The following RBFOX1 variants were observed in gnomAD, a reference collection of about 807,000 sequenced individuals.
The protein encoded by RBFOX1 is RNA binding fox-1 homolog 1, also known as RNA binding protein fox-1 homolog 1.
In RBFOX1, 8 loss-of-function variants were observed where a neutral mutation model predicts 57.7. The ratio of observed to expected loss-of-function variants is 0.14; its 90% CI spans 0.08 to 0.25. The LOEUF is 0.25. Among genes scored for constraint, RBFOX1 ranks in the 10% least tolerant of loss-of-function variants. The pLI is 1.00. For synonymous variants in RBFOX1, 326 were observed against 222.4 expected (o/e 1.47, Z -4.15); for missense variants, 611 against 548.5 (o/e 1.11, Z -1.14).
intron 1 of RBFOX1, among the ~76,000 whole-genome samples, chr16:5,325,917 G>T (rs898672032): frequency 6.6e-6 from 1 of 152,132 alleles, no homozygotes; most frequent in African/African-American, 2.4e-5. Flanking sequence ...TTAAACATAA[G>T]TTTTCATTTC....
chr16:6,557,337 T>C (rs548585558), intron 2 of RBFOX1, among the ~76,000 whole-genome samples: 3 of 152,068 alleles, frequency 2.0e-5, no homozygotes, highest in African/African-American at 7.2e-5. Flanking sequence ...GAAGAACTTA[T>C]GAATGCTTTG....
intron 2 of RBFOX1, among the ~76,000 whole-genome samples, chr16:5,547,067 C>A (rs983088152): frequency 6.6e-6 from 1 of 152,134 alleles, no homozygotes; most frequent in African/African-American, 2.4e-5. Context: ...TATACATCTT[C>A]TAGGATGACT....
rs557158998 is a variant in RBFOX1, at chr16:6,201,083, C to T, written c.-126-115912C>T. Among the ~76,000 whole-genome samples the T allele has an allele frequency of 1.6e-4, 24 of 152,054 alleles. No homozygotes were observed. The East Asian group carries it at 2.5e-3, about 16-fold the overall frequency. On this transcript the variant is annotated intron_variant, in intron 1 of 15. Coordinates refer to ENST00000550418, the MANE Select transcript of RBFOX1 (RefSeq NM_018723.4). ...TTGTCTTTCTGTGTCTGGCTTATTT[C>T]GCTTAACATAATGTCCCTCCAGTTC...
At chr16:6,876,596 A>T (rs535684772) in intron 3 of RBFOX1, among the ~76,000 whole-genome samples, 62 of 152,250 alleles carry the variant, frequency 4.1e-4, no homozygotes, top group South Asian at 3.3e-3. Flanking sequence ...GGACTTTATG[A>T]TGCACCATAC....
At chr16:6,148,450 C>G (rs944662101) in intron 1 of RBFOX1, among the ~76,000 whole-genome samples, 1 of 152,212 alleles carries the variant, frequency 6.6e-6, no homozygotes, top group Admixed American at 6.5e-5. Context: ...CTGCTCCCAC[C>G]TCCTGGAACA....
intron 1 of RBFOX1, among the ~76,000 whole-genome samples, chr16:6,193,237 G>A (rs1202889406): frequency 1.3e-5 from 2 of 151,062 alleles, no homozygotes; most frequent in Admixed American, 1.3e-4. Flanking sequence ...CCCCTTGCTG[G>A]CAACAGCTGA....
chr16:5,739,650 C>T (rs1300393585), intron 3 of RBFOX1, among the ~76,000 whole-genome samples: 2 of 152,164 alleles, frequency 1.3e-5, no homozygotes, highest in Admixed American at 6.5e-5. Flanking sequence ...AAAACTTACG[C>T]TTTGGCATTT....
chr16:6,935,410 A>G (rs557416457), intron 3 of RBFOX1, among the ~76,000 whole-genome samples: 12 of 152,302 alleles, frequency 7.9e-5, no homozygotes, highest in African/African-American at 2.9e-4. Flanking sequence ...CCAACAGTAG[A>G]TCATAAAAAG....
At chr16:6,039,233 A>G (rs2095409403) in intron 1 of RBFOX1, among the ~76,000 whole-genome samples, 1 of 151,552 alleles carries the variant, frequency 6.6e-6, no homozygotes, top group African/African-American at 2.4e-5. Flanking sequence ...GAGCAGGACA[A>G]GAGGTGTCAA....
intron 4 of RBFOX1, among the ~76,000 whole-genome samples, chr16:5,964,742 G>C (rs1003779857): frequency 6.6e-6 from 1 of 151,160 alleles, no homozygotes; most frequent in South Asian, 2.1e-4. Context: ...TGACTCTTAG[G>C]TTATGTGTGT....
chr16:7,395,379 G>A lies in RBFOX1; in HGVS notation c.28-122768G>A, dbSNP rs544180936. ...TTTCTTACTACTAATTCCCCTTTTA[G>A]TGGAGATAAGCCGCTTTGTTCAGCT... is the stretch of plus-strand genomic sequence containing the variant. On this transcript the variant is annotated intron_variant, in intron 4 of 15. Transcript: ENST00000550418. Among the ~76,000 whole-genome samples the A allele has an allele frequency of 4.6e-5, 7 of 152,332 alleles. No homozygotes were observed. In the South Asian group the frequency reaches 1.5e-3, roughly 32 times the overall value.
intron 3 of RBFOX1, among the ~76,000 whole-genome samples, chr16:6,913,583 C>A (rs891063832): frequency 6.6e-6 from 1 of 152,070 alleles, no homozygotes; most frequent in African/African-American, 2.4e-5. Flanking sequence ...AGTTATAAGT[C>A]GGTAGCATCC....
intron 3 of RBFOX1, among the ~76,000 whole-genome samples, chr16:6,927,405 G>A (rs1278683065): frequency 1.0e-4 from 7 of 67,250 alleles, no homozygotes; most frequent in East Asian, 3.9e-4. Context: ...AGAGTGAGAC[G>A]CTTTCTCACA....
chr16:5,923,741 A>G (rs1420489009), intron 4 of RBFOX1, among the ~76,000 whole-genome samples: 3 of 151,860 alleles, frequency 2.0e-5, no homozygotes, highest in Admixed American at 6.6e-5. Context: ...GGGTTTCACC[A>G]TGTTGGCCAG....
At chr16:7,297,892 C>A (rs943595958) in intron 4 of RBFOX1, among the ~76,000 whole-genome samples, 2 of 151,772 alleles carry the variant, frequency 1.3e-5, no homozygotes, top group East Asian at 1.9e-4. Context: ...TGTTTCCGGG[C>A]CCTTTTGTAT....
chr16:6,837,258 C>G (rs1228074282), intron 3 of RBFOX1, among the ~76,000 whole-genome samples: 2 of 152,222 alleles, frequency 1.3e-5, no homozygotes, highest in Non-Finnish European at 2.9e-5. Flanking sequence ...GCTCTCTCAT[C>G]TGAGCGTGCT....
intron 4 of RBFOX1, among the ~76,000 whole-genome samples, chr16:7,376,964 C>T (rs528365219): frequency 5.9e-5 from 9 of 152,168 alleles, no homozygotes; most frequent in Admixed American, 3.9e-4. Context: ...ACATAGTATC[C>T]TTGTATGTCC....
chr16:7,541,234 C>T (rs1229471865), intron 5 of RBFOX1, among the ~76,000 whole-genome samples: 1 of 152,184 alleles, frequency 6.6e-6, no homozygotes, highest in Non-Finnish European at 1.5e-5. Flanking sequence ...AGCCATTCAG[C>T]AAAATTGCAC....
At chr16:7,038,679 T>C (rs2045253719) in intron 3 of RBFOX1, among the ~76,000 whole-genome samples, 1 of 152,140 alleles carries the variant, frequency 6.6e-6, no homozygotes, top group South Asian at 2.1e-4. Flanking sequence ...CGAGACTGCA[T>C]TCTTGCAGAA....
Sources: allele counts gnomAD v4.1 joint callset (sites outside exome capture counted in the v4.1 genomes callset), GRCh38; gene constraint gnomAD v4.1.1; transcripts MANE v1.5; gene names NCBI Gene and HGNC (gene_info 2026-07-23, HGNC 2026-07-21).